DCHS2: variants seen among roughly 807,000 people sequenced by gnomAD.
The protein encoded by DCHS2 is dachsous cadherin-related 2.
In DCHS2, 142 loss-of-function variants were observed where a neutral mutation model predicts 182.4. The observed-to-expected ratio is 0.78, with a 90% CI of 0.68 to 0.89. The LOEUF is 0.89. Ranked by LOEUF, DCHS2 falls within the 40% of genes least tolerant of loss-of-function variation. The pLI is 0.00. For missense variants in DCHS2, 4,319 were observed against 4,198.6 expected, an observed-to-expected ratio of 1.03 and a Z score of -0.79; for synonymous variants, 1,740 against 1,663.3, an observed-to-expected ratio of 1.05 and a Z score of -1.12.
At chr4:154,326,740 C>T (rs1346799092) in intron 7 of DCHS2, among the ~76,000 whole-genome samples, 1 of 152,082 alleles carries the variant, frequency 6.6e-6, no homozygotes, top group Admixed American at 6.6e-5. Flanking sequence ...CTCTTTTTAA[C>T]TGGCCCATTT....
rs115154785 is a variant in DCHS2 at position 154,375,581 on chromosome 4, A to G, written c.2244+1672T>C. Among the ~76,000 whole-genome samples, 668 of 152,254 alleles carry G rather than the reference A, an allele frequency of 4.4e-3. 4 individuals are homozygous for G. The highest frequency in any genetic ancestry group is 0.014 in the African/African-American group (576 of 41,574). ...CGAATAGCAATAAACATGAAAAAAA[A>G]CCTCATTAGTTATTAAACAAATACA... On this transcript the variant is annotated intron_variant, in intron 2 of 19. Transcript: ENST00000357232.
intron 1 of DCHS2, among the ~76,000 whole-genome samples, chr4:154,473,566 C>A (rs942627352): frequency 1.3e-5 from 2 of 152,110 alleles, no homozygotes; most frequent in African/African-American, 4.8e-5. Flanking sequence ...GTAGTGGATA[C>A]AGCCCTAGAA....
At chr4:154,291,735 G>T (rs1443732149) in intron 13 of DCHS2, among the ~76,000 whole-genome samples, 1 of 149,202 alleles carries the variant, frequency 6.7e-6, no homozygotes, top group African/African-American at 2.5e-5. Flanking sequence ...ATTTGTAGGG[G>T]CTAAAAATTA....
rs1185122741 is a variant in DCHS2 at position 154,366,421 on chromosome 4, G to A, written c.2265C>T (p.Ala755=). ...CGTCCTCCAGGTCCACACGAACAAA[G>A]GCTTGGGCACTTAGCCCACCCTGGT... ...AKDGGGLSAQ[A]FVRVDLEDVN... Residue 755 remains alanine (A), a synonymous_variant, in exon 3 of 20, where the codon GCC becomes GCT. Transcript: ENST00000357232. 15 of 1,613,346 alleles carry A rather than the reference G, an allele frequency of 9.3e-6. No homozygotes were observed. The Admixed American group carries it at 2.2e-4, about 23-fold the overall frequency.
Position 154,448,436 on chromosome 4 carries a change from A to G in DCHS2, c.2052+40868T>C, listed in dbSNP as rs576182341. On this transcript the variant is annotated intron_variant, in intron 1 of 19. Coordinates refer to ENST00000357232, the MANE Select transcript of DCHS2 (RefSeq NM_001358235.2). ...TCTTTTACACCACTCTCAATATCCA[A>G]CCCCTTAGCAACCCACTTACCCGCT... 2.6e-5 allele frequency among the ~76,000 whole-genome samples: 4 copies of G among 151,702 alleles called. No homozygotes were observed. In the East Asian group the frequency reaches 7.8e-4, roughly 29 times the overall value.
rs528473299 is a variant in DCHS2, at chr4:154,232,049, C to A, written c.*2487G>T. 8 of 152,032 alleles carry A rather than the reference C, an allele frequency of 5.3e-5. No individual in the cohort carries two copies. The highest frequency in any genetic ancestry group is 8.8e-5 in the Non-Finnish European group (6 of 68,014). 9.4% of individuals were successfully genotyped at this position (152,032 alleles called of 1,614,324 possible). A position where few individuals can be genotyped will look rare whatever the true frequency, so the allele number is the denominator to read the frequency against. On this transcript the variant is annotated 3_prime_UTR_variant, in exon 20 of 20. Transcript: ENST00000357232. ...CAGGCAGCCAAAATTCCACAAGAGACAACTGTCTTTTATTTTATAGCTTAT... is the reference window on the plus strand; with the variant it reads ...CAGGCAGCCAAAATTCCACAAGAGAAAACTGTCTTTTATTTTATAGCTTAT...
At chr4:154,260,819 C>T (rs948164292) in intron 14 of DCHS2, among the ~76,000 whole-genome samples, 1 of 152,166 alleles carries the variant, frequency 6.6e-6, no homozygotes, top group African/African-American at 2.4e-5. Context: ...GTGTCTGGCT[C>T]AGGGTCTGGC....
intron 1 of DCHS2, among the ~76,000 whole-genome samples, chr4:154,426,533 G>A (rs1468571329): frequency 2.0e-5 from 3 of 152,068 alleles, no homozygotes; most frequent in Admixed American, 6.6e-5. Flanking sequence ...TCCACAAAGG[G>A]GAGAAAAATG....
intron 13 of DCHS2, among the ~76,000 whole-genome samples, chr4:154,288,812 G>T (rs10001032): frequency 0.36 from 54,968 of 151,886 alleles, 10,144 homozygotes; most frequent in East Asian, 0.48. Context: ...TAAACAATAT[G>T]CTCCTGAATG....
intron 15 of DCHS2, among the ~76,000 whole-genome samples, chr4:154,259,124 G>T (rs931208806): frequency 3.9e-5 from 6 of 152,240 alleles, no homozygotes; most frequent in Middle Eastern, 3.4e-3. Flanking sequence ...CCTGAAAGCA[G>T]ATCCGTCCAC....
At chr4:154,251,323 A>C (rs1001916115) in intron 16 of DCHS2, among the ~76,000 whole-genome samples, 1 of 152,192 alleles carries the variant, frequency 6.6e-6, no homozygotes, top group African/African-American at 2.4e-5. Flanking sequence ...ATCGGCTAGA[A>C]TCATGTTCTA....
chr4:154,403,928 A>G (rs181188883), intron 1 of DCHS2, among the ~76,000 whole-genome samples: 1 of 152,138 alleles, frequency 6.6e-6, no homozygotes, highest in East Asian at 1.9e-4. Context: ...CTGCCATTAT[A>G]TCCTCACTTT....
intron 1 of DCHS2, among the ~76,000 whole-genome samples, chr4:154,410,481 A>AG: frequency 6.7e-6 from 1 of 148,940 alleles, no homozygotes. Context: ...AAAAAAAAAA[A>AG]AAAAAGAAAA....
At chr4:154,271,396 G>T (rs1385576243) in intron 13 of DCHS2, among the ~76,000 whole-genome samples, 1 of 152,182 alleles carries the variant, frequency 6.6e-6, no homozygotes, top group African/African-American at 2.4e-5. Flanking sequence ...AACCAAGGGA[G>T]TGTGGCTGTG....
chr4:154,348,598 G>A (rs527551363), intron 3 of DCHS2, among the ~76,000 whole-genome samples: 69 of 151,744 alleles, frequency 4.5e-4, no homozygotes, highest in African/African-American at 1.1e-3. Context: ...TCCAATGACC[G>A]GTGTCCACAC....
chr4:154,232,056 C>A lies in DCHS2; in HGVS notation c.*2480G>T, dbSNP rs1235693766. On this transcript the variant is annotated 3_prime_UTR_variant, in exon 20 of 20. Coordinates refer to ENST00000357232, the MANE Select transcript of DCHS2 (RefSeq NM_001358235.2). ...CCAAAATTCCACAAGAGACAACTGT[C>A]TTTTATTTTATAGCTTATGAATTTG... is the stretch of plus-strand genomic sequence containing the variant. 6.6e-6 allele frequency: 1 copy of A among 151,880 alleles called. No homozygotes were observed. The highest frequency in any genetic ancestry group is 6.6e-5 in the Admixed American group (1 of 15,236). The allele number at this position is 151,880 out of a possible 1,614,324, so 9.4% of individuals were successfully genotyped here.
In DCHS2 at chr4:154,235,682, G is replaced by A. The variant is rs748475572; in HGVS notation, c.8970C>T (p.Phe2990=). The A allele has an allele frequency of 3.3e-5, 53 of 1,613,818 alleles. No individual in the cohort carries two copies. Among genetic ancestry groups the A allele is most frequent in the Non-Finnish European group, 4.0e-5 (47 of 1,179,970 alleles). Reference sequence around the variant, plus strand: ...CCAGGCTGATTGAAAAGCTGCTGGCGAACACTGCCAAGGGTGTTCCTTCAG... The same window carrying A: ...CCAGGCTGATTGAAAAGCTGCTGGCAAACACTGCCAAGGGTGTTCCTTCAG... ...FSSEGTPLAV[F]ASSFSISLVV... is the part of the protein sequence containing the mutation. Residue 2990 remains phenylalanine (F), a synonymous_variant, in exon 20 of 20, where the codon TTC becomes TTT. Coordinates refer to ENST00000357232, the MANE Select transcript of DCHS2 (RefSeq NM_001358235.2).
At chr4:154,238,156 C>CGG (rs1204592937) in intron 19 of DCHS2, among the ~76,000 whole-genome samples, 1 of 5,568 alleles carries the variant, frequency 1.8e-4, no homozygotes, top group Non-Finnish European at 4.9e-4. Flanking sequence ...AGAGAAAAGA[C>CGG]GGTGGGGGGG....
intron 3 of DCHS2, among the ~76,000 whole-genome samples, chr4:154,363,131 A>C (rs1730199523): frequency 6.6e-6 from 1 of 152,206 alleles, no homozygotes; most frequent in African/African-American, 2.4e-5. Context: ...AATGTGTTAC[A>C]GTCATTATGG....
Sources: allele counts gnomAD v4.1 joint callset (sites outside exome capture counted in the v4.1 genomes callset), GRCh38; gene constraint gnomAD v4.1.1; transcripts MANE v1.5; gene names NCBI Gene and HGNC (gene_info 2026-07-23, HGNC 2026-07-21).